POGZ: variants seen among roughly 807,000 people sequenced by gnomAD.
The protein encoded by POGZ is pogo transposable element derived with ZNF domain.
A neutral mutation model predicts 134.6 loss-of-function variants in POGZ; 17 were observed. The observed-to-expected ratio is 0.13, with a 90% CI of 0.09 to 0.19. The LOEUF is 0.19. Ranked by LOEUF, POGZ falls within the 10% of genes least tolerant of loss-of-function variation. The pLI, the probability that POGZ is intolerant of heterozygous loss-of-function variation, is 1.00. For missense variants in POGZ, 1,306 were observed against 1,769.7 expected (o/e 0.74, Z 4.70); for synonymous variants, 693 against 657.1 (o/e 1.05, Z -0.84).
chr1:151,444,809 T>C (rs1053411288), intron 1 of POGZ, among the ~76,000 whole-genome samples: 14 of 152,242 alleles, frequency 9.2e-5, no homozygotes, highest in African/African-American at 3.4e-4. Flanking sequence ...CTGAGAGAAA[T>C]GGAAAGAACT....
chr1:151,449,066 T>G (rs1661665707), intron 1 of POGZ, among the ~76,000 whole-genome samples: 1 of 152,154 alleles, frequency 6.6e-6, no homozygotes, highest in Non-Finnish European at 1.5e-5. Flanking sequence ...AGCCTACACC[T>G]TTACTTTCAA....
At chr1:151,423,365 T>C (rs1328214277) in intron 10 of POGZ, 32 bp downstream of exon 10, 1 of 1,594,744 alleles carries the variant, frequency 6.3e-7, no homozygotes, top group Non-Finnish European at 8.6e-7. Context: ...GCAAGGTATA[T>C]TCCCCTTGAG....
chr1:151,446,558 C>T (rs1203442346), intron 1 of POGZ, among the ~76,000 whole-genome samples: 1 of 152,002 alleles, frequency 6.6e-6, no homozygotes, highest in Non-Finnish European at 1.5e-5. Flanking sequence ...GAGTTCGAGA[C>T]TAGCCTGGCT....
chr1:151,444,706 TTAAG>T (rs1302099933), intron 1 of POGZ, among the ~76,000 whole-genome samples: 2 of 152,238 alleles, frequency 1.3e-5, no homozygotes, highest in African/African-American at 4.8e-5. Context: ...TTCTTTTATC[TTAAG>T]TATTTACAAT....
At chr1:151,429,169 A>G (rs1043417707) in intron 5 of POGZ, among the ~76,000 whole-genome samples, 4 of 151,658 alleles carry the variant, frequency 2.6e-5, no homozygotes, top group Non-Finnish European at 5.9e-5. Flanking sequence ...AAAAAAAACT[A>G]TCTAGTCATT....
chr1:151,412,481 CTTTAT>C (rs1654840954), intron 10 of POGZ, 85 bp from the exon 11 acceptor site: 4 of 745,578 alleles, frequency 5.4e-6, no homozygotes, highest in Non-Finnish European at 9.3e-6. Context: ...TCTCTGCCTC[CTTTAT>C]TTTGATTTTC....
At position 151,440,924 on chromosome 1, in the gene POGZ, T is replaced by C; in HGVS notation, c.283+4A>G. On this transcript the variant is annotated splice_donor_region_variant and intron_variant, in intron 3 of 18. Transcript: ENST00000271715. The stretch of plus-strand genomic sequence containing the variant: ...GATTATTATTTCCCAATAATCCCAC[T>C]TACCATTGTTGTTGGCAATTAGTGT... 1.9e-6 allele frequency: 3 copies of C among 1,612,226 alleles called. No individual in the cohort carries two copies. The highest frequency in any genetic ancestry group is 8.5e-7 in the Non-Finnish European group (1 of 1,178,504).
At chr1:151,416,875 T>G (rs2102226763) in intron 10 of POGZ, among the ~76,000 whole-genome samples, 1 of 152,198 alleles carries the variant, frequency 6.6e-6, no homozygotes, top group Non-Finnish European at 1.5e-5. Flanking sequence ...CAAGCAATCC[T>G]CACGCCTTGG....
chr1:151,455,763 G>A (rs1444357104), intron 1 of POGZ, among the ~76,000 whole-genome samples: 3 of 152,124 alleles, frequency 2.0e-5, no homozygotes, highest in South Asian at 2.1e-4. Context: ...TCTGCATTCA[G>A]TCTGTTGCTA....
chr1:151,455,530 T>C (rs1465887775), intron 1 of POGZ, among the ~76,000 whole-genome samples: 2 of 152,218 alleles, frequency 1.3e-5, no homozygotes, highest in Non-Finnish European at 2.9e-5. Context: ...ACGCCAAAGA[T>C]CTTTTGTTTA....
intron 5 of POGZ, 38 bp from the exon 6 acceptor site, chr1:151,428,451 G>A: frequency 6.3e-7 from 1 of 1,592,604 alleles, no homozygotes; most frequent in Non-Finnish European, 8.6e-7. Flanking sequence ...CTTGGTCAGT[G>A]AGCTCACCTA....
intron 1 of POGZ, among the ~76,000 whole-genome samples, chr1:151,443,589 C>T (rs1475377772): frequency 6.6e-6 from 1 of 152,118 alleles, no homozygotes; most frequent in Non-Finnish European, 1.5e-5. Flanking sequence ...TGGTGCATGC[C>T]TGTAATCCCG....
intron 1 of POGZ, among the ~76,000 whole-genome samples, chr1:151,453,844 T>C (rs1662445430): frequency 1.3e-5 from 2 of 152,234 alleles, no homozygotes; most frequent in East Asian, 3.8e-4. Context: ...TAAAAGTCTA[T>C]ATAATTGTAA....
Position 151,406,461 on chromosome 1 carries a change from A to G in POGZ, c.2574T>C (p.His858=), listed in dbSNP as rs1392126075. Residue 858 remains histidine (H), a synonymous_variant, in exon 19 of 19, where the codon CAT becomes CAC. Transcript: ENST00000271715. ...RGLTWIAHSR[H]GQTRDRVHDR... ...CATGCACTCGGTCACGAGTCTGGCC[A>G]TGCCTAAAGGGGTGAGGAGCAAAGA... 8 of 1,553,994 alleles carry G rather than the reference A, an allele frequency of 5.1e-6. No homozygotes were observed. In the East Asian group the frequency reaches 1.1e-4, roughly 22 times the overall value.
Position 151,428,415 on chromosome 1 carries a change from T to G in POGZ, c.569-2A>C. 1 of 1,612,766 alleles carries G rather than the reference T, an allele frequency of 6.2e-7. No homozygotes were observed. The highest frequency in any genetic ancestry group is 8.5e-7 in the Non-Finnish European group (1 of 1,178,862). The stretch of plus-strand genomic sequence containing the variant: ...GCTTAACAAACTGGGTACCTGGGGC[T>G]TTAAAAGAGAGACAAAGTACCAGAT... On this transcript the variant is annotated splice_acceptor_variant, in intron 5 of 18. Transcript: ENST00000271715. LOFTEE classifies it high-confidence loss of function.
chr1:151,437,476 G>A (rs1313498604), intron 3 of POGZ, among the ~76,000 whole-genome samples: 1 of 152,152 alleles, frequency 6.6e-6, no homozygotes, highest in Non-Finnish European at 1.5e-5. Context: ...TGCTGGTGGG[G>A]AGCAGTGGCT....
chr1:151,411,379 C>T (rs1057345610), intron 12 of POGZ, among the ~76,000 whole-genome samples: 6 of 152,178 alleles, frequency 3.9e-5, no homozygotes, highest in Admixed American at 6.5e-5. Context: ...ATGTGATTTT[C>T]TATATCCTAT....
intron 9 of POGZ, 36 bp from the exon 10 acceptor site, chr1:151,423,587 TA>T: frequency 6.5e-7 from 1 of 1,535,182 alleles, no homozygotes; most frequent in Non-Finnish European, 8.9e-7. Flanking sequence ...ACAGAAAACA[TA>T]AAAAATTGGT....
At chr1:151,446,134 AT>A (rs1448091296) in intron 1 of POGZ, among the ~76,000 whole-genome samples, 1 of 144,688 alleles carries the variant, frequency 6.9e-6, no homozygotes, top group Non-Finnish European at 1.5e-5. Flanking sequence ...ATTACTAAAT[AT>A]GCAGTGTTAA....
Sources: gnomAD v4.1 joint callset for allele counts (sites outside exome capture counted in the v4.1 genomes callset) on GRCh38, gnomAD v4.1.1 for gene constraint, MANE v1.5 for transcripts, NCBI Gene and HGNC (gene_info 2026-07-23, HGNC 2026-07-21) for gene names.